ZNF34: variants seen among roughly 807,000 people sequenced by gnomAD.
The protein encoded by ZNF34 is zinc finger protein 34, also known as zinc finger protein 34 (KOX 32).
Under a neutral mutation model 14.4 loss-of-function variants are expected in ZNF34, and 8 were observed. That is an observed-to-expected ratio of 0.55 (90% CI 0.33 to 1.00). ZNF34 has a LOEUF of 1.00. Ranked by LOEUF, ZNF34 falls within the 50% of genes least tolerant of loss-of-function variation. The probability of loss-of-function intolerance (pLI) is 0.03; values close to 1 mark genes in which losing one functional copy is unlikely to be tolerated. For synonymous variants in ZNF34, 235 were observed against 247.9 expected (o/e 0.95, Z 0.49); for missense variants, 538 against 674.2 (o/e 0.80, Z 2.24).
chr8:144,777,693 TGGACACTCTCTGGAG>T lies in ZNF34; in HGVS notation c.161-131_161-117del. ...ACAGGCAGAGGGGGTGATGGAAGCC[TGGACACTCTCTGGAG>T]GGCACTGAGATTGGGCTGGGGCAGT... is the stretch of plus-strand genomic sequence containing the variant. On this transcript the variant is annotated intron_variant, in intron 4 of 5. Coordinates refer to ENST00000429371, the MANE Select transcript of ZNF34 (RefSeq NM_001286769.2). The surrounding 1 kb of genome is among the most constrained non-coding windows in gnomAD (Gnocchi z 4.8). The T allele has an allele frequency of 7.7e-7, 1 of 1,290,840 alleles. No homozygotes were observed. The highest frequency in any genetic ancestry group is 1.1e-6 in the Non-Finnish European group (1 of 945,928). 80.0% of individuals were successfully genotyped at this position (1,290,840 alleles called of 1,614,324 possible). A position where few individuals can be genotyped will look rare whatever the true frequency, so the allele number is the denominator to read the frequency against.
chr8:144,787,099 G>A (rs1323001119), intron 1 of ZNF34, among the ~76,000 whole-genome samples, 180 bp downstream of exon 1: 2 of 142,964 alleles, frequency 1.4e-5, no homozygotes, highest in Non-Finnish European at 3.0e-5. Flanking sequence ...GCGGCGAGGC[G>A]CAGTCCGTAC....
intron 5 of ZNF34, among the ~76,000 whole-genome samples, chr8:144,775,382 C>T (rs746766167): frequency 2.0e-5 from 3 of 152,200 alleles, no homozygotes; most frequent in Admixed American, 2.0e-4. Context: ...CAGGTACACA[C>T]GCGCCAGAAA....
rs527584090 is a variant in ZNF34, at chr8:144,777,008, C to T, written c.280+450G>A. Among the ~76,000 whole-genome samples the T allele has an allele frequency of 2.0e-4, 30 of 151,762 alleles. No individual in the cohort carries two copies. The highest frequency in any genetic ancestry group is 6.0e-4 in the African/African-American group (25 of 41,352). On this transcript the variant is annotated intron_variant, in intron 5 of 5. Coordinates refer to ENST00000429371, the MANE Select transcript of ZNF34 (RefSeq NM_001286769.2). This position sits in a 1 kb window ranked among gnomAD's most constrained non-coding sequence, Gnocchi z 4.8. The stretch of plus-strand genomic sequence containing the variant: ...GAAATATACTACAACACAACTATGT[C>T]TGGGTAGTGAGATTCAGGGTGATGT...
chr8:144,787,206 C>G (rs568619383), intron 1 of ZNF34, 73 bp downstream of exon 1: 88 of 152,508 alleles, frequency 5.8e-4, no homozygotes, highest in African/African-American at 2.0e-3. Context: ...GGCACAGGGG[C>G]AACGCGCAGG....
rs1215214950 is a variant in ZNF34 at position 144,773,419 on chromosome 8, T to C, written c.1467A>G (p.Lys489=). The change falls in exon 6 of 6, where the codon AAA becomes AAG. Residue 489 remains lysine, a synonymous_variant. Coordinates refer to ENST00000429371, the MANE Select transcript of ZNF34 (RefSeq NM_001286769.2). This position sits in a 1 kb window ranked among gnomAD's most constrained non-coding sequence, Gnocchi z 5.4. ...TCAAGTACGTGCTCTGGCTGAAGGC[T>C]TTCTTGCAATCGCTGCATCTGTAGG... ...EKPYRCSDCK[K]AFSQSTYLIQ... 2 of 1,613,776 alleles carry C rather than the reference T, an allele frequency of 1.2e-6. No homozygotes were observed. The highest frequency in any genetic ancestry group is 3.3e-5 in the Admixed American group (2 of 59,960).
chr8:144,784,133 G>A (rs1238558102), intron 1 of ZNF34, among the ~76,000 whole-genome samples: 1 of 149,972 alleles, frequency 6.7e-6, no homozygotes, highest in South Asian at 2.1e-4. Context: ...GCACTCCATC[G>A]TGGGTGACAG....
Position 144,777,789 on chromosome 8 carries a change from T to A in ZNF34, c.161-212A>T, listed in dbSNP as rs1729586882. ...TTCCCTCCACTAGGAGGTATGCAAC[T>A]CCGCCCCCCCGGTGTCCCCCGCCCT... On this transcript the variant is annotated intron_variant, in intron 4 of 5. Coordinates refer to ENST00000429371, the MANE Select transcript of ZNF34 (RefSeq NM_001286769.2). The surrounding 1 kb of genome is among the most constrained non-coding windows in gnomAD (Gnocchi z 4.8). Among the ~76,000 whole-genome samples, 1 of 151,940 alleles carries A rather than the reference T, an allele frequency of 6.6e-6. No homozygotes were observed. Among genetic ancestry groups the A allele is most frequent in the Non-Finnish European group, 1.5e-5 (1 of 67,936 alleles).
At chr8:144,776,873 C>T (rs1055659761) in intron 5 of ZNF34, among the ~76,000 whole-genome samples, 1 of 148,550 alleles carries the variant, frequency 6.7e-6, no homozygotes, top group African/African-American at 2.5e-5. Context: ...GATCATACCA[C>T]TGCACTCCAG....
At chr8:144,782,987 T>A (rs1215979490) in intron 1 of ZNF34, among the ~76,000 whole-genome samples, 1 of 148,748 alleles carries the variant, frequency 6.7e-6, no homozygotes, top group Non-Finnish European at 1.5e-5. Flanking sequence ...AATAAAACCA[T>A]TTTAAATAGA....
At chr8:144,786,103 G>C (rs1287689594) in intron 1 of ZNF34, among the ~76,000 whole-genome samples, 1 of 147,492 alleles carries the variant, frequency 6.8e-6, no homozygotes, top group Admixed American at 6.9e-5. Context: ...TCCTGCCTCA[G>C]CCTCCCAAGT....
rs749277788 is a variant in ZNF34 at position 144,785,106 on chromosome 8, C to CAAAAAAAA, written c.-108+2165_-108+2172dup. On this transcript the variant is annotated intron_variant, in intron 1 of 5. Transcript: ENST00000429371. ...CACTCCAGCCTTAGCCAGACCCTGC[C>CAAAAAAAA]AAAAAAAAAAAAAAAAAAAAAAAGA... Among the ~76,000 whole-genome samples the CAAAAAAAA allele has an allele frequency of 8.4e-4, 42 of 49,950 alleles. 3 individuals carry two copies. Among genetic ancestry groups the CAAAAAAAA allele is most frequent in the East Asian group, 1.8e-3 (3 of 1,634 alleles). The allele number at this position is 49,950 out of a possible 152,430, so 32.8% of individuals were successfully genotyped here.
chr8:144,776,288 G>A lies in ZNF34; in HGVS notation c.280+1170C>T, dbSNP rs1825508289. Among the ~76,000 whole-genome samples the A allele has an allele frequency of 2.0e-5, 3 of 151,210 alleles. No individual in the cohort carries two copies. The South Asian group carries it at 6.3e-4, about 32-fold the overall frequency. On this transcript the variant is annotated intron_variant, in intron 5 of 5. Transcript: ENST00000429371. The stretch of plus-strand genomic sequence containing the variant: ...GATCACACCACTGCCCTCCAGCCTG[G>A]GCAACAGAGCAAGACTCTGTCTCAA...
chr8:144,778,135 C>A lies in ZNF34; in HGVS notation c.63G>T (p.Val21=). 1 of 1,613,788 alleles carries A rather than the reference C, an allele frequency of 6.2e-7. No individual in the cohort carries two copies. Among genetic ancestry groups the A allele is most frequent in the Non-Finnish European group, 8.5e-7 (1 of 1,179,842 alleles). The change falls in exon 4 of 6, where the codon GTG becomes GTT. Residue 21 remains valine, a synonymous_variant. Transcript: ENST00000429371. Reference sequence around the variant, plus strand: ...GGCCCCATTCCTCCCGGGAGAGGTACACAGCCACGTCCTCGAAGGTCACCT... The same window carrying A: ...GGCCCCATTCCTCCCGGGAGAGGTAAACAGCCACGTCCTCGAAGGTCACCT... The part of the protein sequence containing the change: ...QAEVTFEDVA[V]YLSREEWGRL...
At chr8:144,780,968 A>AAAAATTAG (rs1825835477) in intron 1 of ZNF34, among the ~76,000 whole-genome samples, 1 of 143,220 alleles carries the variant, frequency 7.0e-6, no homozygotes, top group Admixed American at 7.1e-5. Context: ...CCCTGTCTCT[A>AAAAATTAG]CCGAAAATAC....
intron 1 of ZNF34, chr8:144,785,239 T>G (rs1158501438): frequency 6.6e-6 from 1 of 152,128 alleles, no homozygotes; most frequent in African/African-American, 2.4e-5. Flanking sequence ...AGAATATATT[T>G]AAAACATTTT....
rs1467891100 is a variant in ZNF34, at chr8:144,779,731, C to T, written c.-55+497G>A. On this transcript the variant is annotated intron_variant, in intron 2 of 5. Coordinates refer to ENST00000429371, the MANE Select transcript of ZNF34 (RefSeq NM_001286769.2). The surrounding 1 kb of genome is among the most constrained non-coding windows in gnomAD (Gnocchi z 4.1). ...GGATTAAAGGAGTGCACCAAAGTGCCCAGCCTCCAGTCACCTCTACTGCCT... is the reference window on the plus strand; with the variant it reads ...GGATTAAAGGAGTGCACCAAAGTGCTCAGCCTCCAGTCACCTCTACTGCCT... Among the ~76,000 whole-genome samples, 1 of 152,088 alleles carries T rather than the reference C, an allele frequency of 6.6e-6. No homozygotes were observed. The highest frequency in any genetic ancestry group is 6.6e-5 in the Admixed American group (1 of 15,262).
Position 144,773,992 on chromosome 8 carries a change from C to A in ZNF34, c.894G>T (p.Arg298Ser). ...CDECGKTFTR[R>S]PNLMKHQRIH... ...TCCTCTGGTGCTTCATGAGGTTGGG[C>A]CTCCGGGTGAATGTCTTCCCACACT... The change falls in exon 6 of 6, where the codon AGG becomes AGT. Residue 298 changes from arginine (R) to serine (S), a missense_variant. Transcript: ENST00000429371. This position sits in a 1 kb window ranked among gnomAD's most constrained non-coding sequence, Gnocchi z 5.4. 6.2e-7 allele frequency: 1 copy of A among 1,613,968 alleles called. No individual in the cohort carries two copies.
chr8:144,784,292 T>C (rs972349247), intron 1 of ZNF34, among the ~76,000 whole-genome samples: 6 of 151,558 alleles, frequency 4.0e-5, no homozygotes, highest in African/African-American at 2.4e-5. Context: ...GGAAAAAAGA[T>C]AATGGAAGAC....
intron 1 of ZNF34, chr8:144,785,210 TAAC>T (rs1352252873): frequency 9.4e-5 from 14 of 148,436 alleles, no homozygotes; most frequent in Admixed American, 9.4e-4. Context: ...TGCAGACACA[TAAC>T]AAAGTATAAA....
Sources: gnomAD v4.1 joint callset for allele counts (sites outside exome capture counted in the v4.1 genomes callset) on GRCh38, gnomAD v4.1.1 for gene constraint, Gnocchi (gnomAD v3.1) non-coding constraint, MANE v1.5 for transcripts, NCBI Gene and HGNC (gene_info 2026-07-23, HGNC 2026-07-21) for gene names.